CERT1: variants seen among roughly 807,000 people sequenced by gnomAD.
CERT1 encodes the protein ceramide transfer protein.
Under a neutral mutation model 87.9 loss-of-function variants are expected in CERT1, and 31 were observed. That is an observed-to-expected ratio of 0.35 (90% CI 0.27 to 0.48). The LOEUF is 0.48. Ranked by LOEUF, CERT1 falls within the 20% of genes least tolerant of loss-of-function variation. CERT1 has a pLI of 0.99. For synonymous variants in CERT1, 289 were observed against 250.9 expected, an observed-to-expected ratio of 1.15 and a Z score of -1.44; for missense variants, 487 against 758.0, an observed-to-expected ratio of 0.64 and a Z score of 4.20.
At chr5:75,380,658 G>A (rs1292166537) in intron 16 of CERT1, among the ~76,000 whole-genome samples, 1 of 151,554 alleles carries the variant, frequency 6.6e-6, no homozygotes, top group Non-Finnish European at 1.5e-5. Context: ...CGTGGTTGTG[G>A]GCACCTGTAA....
chr5:75,477,647 T>TAAAAAAAAAA (rs540588442), intron 2 of CERT1, among the ~76,000 whole-genome samples: 3 of 89,520 alleles, frequency 3.4e-5, no homozygotes, highest in African/African-American at 8.7e-5. Flanking sequence ...TAATAAGTTG[T>TAAAAAAAAAA]AAAAAAAAAA....
intron 14 of CERT1, among the ~76,000 whole-genome samples, chr5:75,383,105 G>T (rs1379051141): frequency 6.6e-6 from 1 of 152,018 alleles, no homozygotes; most frequent in African/African-American, 2.4e-5. Context: ...GGGAGGAGAG[G>T]GAATGGGGAG....
intron 8 of CERT1, among the ~76,000 whole-genome samples, chr5:75,406,201 G>A (rs1435857421): frequency 6.6e-6 from 1 of 152,160 alleles, no homozygotes; most frequent in African/African-American, 2.4e-5. Context: ...CTCTCAATTT[G>A]TGGAGGCTCT....
intron 8 of CERT1, among the ~76,000 whole-genome samples, chr5:75,409,831 GTT>G (rs150553834): frequency 5.1e-5 from 7 of 137,824 alleles, no homozygotes; most frequent in South Asian, 2.3e-4. Context: ...TGGCCAACAC[GTT>G]TTTTTTTTTT....
intron 9 of CERT1, 53 bp from the exon 10 acceptor site, chr5:75,400,350 C>T: frequency 8.0e-7 from 1 of 1,256,288 alleles, no homozygotes; most frequent in Non-Finnish European, 1.1e-6. Context: ...TATTTTGTAA[C>T]TCAAGAATGG....
At chr5:75,466,353 T>C (rs1352875751) in intron 2 of CERT1, among the ~76,000 whole-genome samples, 1 of 152,196 alleles carries the variant, frequency 6.6e-6, no homozygotes, top group Admixed American at 6.5e-5. Context: ...ACCAGCTTCA[T>C]CTAGATACCT....
rs751578966 is a variant in CERT1, at chr5:75,378,996, T to C, written c.*350A>G. The C allele has an allele frequency of 4.2e-5, 7 of 166,376 alleles. No homozygotes were observed. The South Asian group carries it at 4.9e-4, about 12-fold the overall frequency. 10.3% of individuals were successfully genotyped at this position (166,376 alleles called of 1,614,324 possible). On this transcript the variant is annotated 3_prime_UTR_variant, in exon 17 of 17. Transcript: ENST00000643780. Reference sequence around the variant, plus strand: ...GAGTTCAAGACCAGCTTGGGTAACATAGCAAGACCCCTATCTCTACAAAAA... The same window carrying C: ...GAGTTCAAGACCAGCTTGGGTAACACAGCAAGACCCCTATCTCTACAAAAA...
At chr5:75,449,435 G>A (rs1377818527) in intron 3 of CERT1, among the ~76,000 whole-genome samples, 3 of 152,162 alleles carry the variant, frequency 2.0e-5, no homozygotes, top group Non-Finnish European at 4.4e-5. Flanking sequence ...AATTTTCTTG[G>A]TTGCTGGGAA....
chr5:75,432,253 T>C (rs1561259188), intron 3 of CERT1, among the ~76,000 whole-genome samples: 1 of 152,034 alleles, frequency 6.6e-6, no homozygotes, highest in Non-Finnish European at 1.5e-5. Context: ...GACAGGGTTT[T>C]GCCATGTTAG....
chr5:75,414,431 T>TGCACA (rs980959837), intron 7 of CERT1, among the ~76,000 whole-genome samples: 8 of 152,104 alleles, frequency 5.3e-5, no homozygotes, highest in African/African-American at 1.9e-4. Flanking sequence ...AAAACAAAAA[T>TGCACA]GCACAGCACA....
At chr5:75,451,453 C>T (rs548853898) in intron 3 of CERT1, among the ~76,000 whole-genome samples, 60 of 152,264 alleles carry the variant, frequency 3.9e-4, no homozygotes, top group African/African-American at 1.4e-3. Context: ...AAATTTGATC[C>T]TCTGTCATCA....
At chr5:75,382,714 T>C (rs1761635782) in intron 14 of CERT1, among the ~76,000 whole-genome samples, 1 of 151,816 alleles carries the variant, frequency 6.6e-6, no homozygotes, top group African/African-American at 2.4e-5. Context: ...ATCTCGTATA[T>C]GTATCTGGAC....
chr5:75,369,439 G>A (rs1306716069), intron 17 of CERT1: 2 of 152,008 alleles, frequency 1.3e-5, no homozygotes, highest in African/African-American at 4.8e-5. Flanking sequence ...CTTCAAGCAT[G>A]TTAGCTCTTT....
chr5:75,465,350 G>C (rs551156558), intron 2 of CERT1, among the ~76,000 whole-genome samples: 1 of 152,284 alleles, frequency 6.6e-6, no homozygotes, highest in Non-Finnish European at 1.5e-5. Context: ...CCAAACACTT[G>C]TGAGGCTGAA....
At chr5:75,393,582 A>G (rs1762112869) in intron 11 of CERT1, among the ~76,000 whole-genome samples, 1 of 140,110 alleles carries the variant, frequency 7.1e-6, no homozygotes, top group Admixed American at 7.3e-5. Flanking sequence ...TCTCGGCAAC[A>G]TAGCAAGACC....
At chr5:75,412,247 G>T (rs1762960920) in intron 7 of CERT1, among the ~76,000 whole-genome samples, 2 of 152,020 alleles carry the variant, frequency 1.3e-5, no homozygotes, top group African/African-American at 4.8e-5. Context: ...CCCCTATTGG[G>T]TAATGTAAGC....
chr5:75,500,043 A>G (rs1263224693), intron 2 of CERT1, among the ~76,000 whole-genome samples: 1 of 152,212 alleles, frequency 6.6e-6, no homozygotes, highest in Non-Finnish European at 1.5e-5. Context: ...GGAAATCTGG[A>G]AAAAGACAAA....
chr5:75,467,769 G>A (rs1765534015), intron 2 of CERT1, among the ~76,000 whole-genome samples: 1 of 151,990 alleles, frequency 6.6e-6, no homozygotes. Flanking sequence ...CTACACAGAT[G>A]CACAGATGAG....
intron 11 of CERT1, among the ~76,000 whole-genome samples, chr5:75,390,498 ACT>A (rs1389595395): frequency 2.6e-4 from 39 of 152,070 alleles, no homozygotes; most frequent in Admixed American, 2.5e-3. Flanking sequence ...TTTAAATGTA[ACT>A]CTTAATTATC....
Sources: allele counts gnomAD v4.1 joint callset (sites outside exome capture counted in the v4.1 genomes callset), GRCh38; gene constraint gnomAD v4.1.1; transcripts MANE v1.5; gene names NCBI Gene and HGNC (gene_info 2026-07-23, HGNC 2026-07-21).